The following PARP12 variants were observed in gnomAD, a reference collection of about 807,000 sequenced individuals.
PARP12 encodes protein mono-ADP-ribosyltransferase PARP12.
A neutral mutation model predicts 72.4 loss-of-function variants in PARP12; 59 were observed. That is an observed-to-expected ratio of 0.81 (90% CI 0.66 to 1.01). PARP12 has a LOEUF of 1.01. PARP12 is among the 50% of genes least tolerant of loss of function. The pLI, the probability that PARP12 is intolerant of heterozygous loss-of-function variation, is 0.00. For missense variants in PARP12, 851 were observed against 914.0 expected (o/e 0.93, Z 0.89); for synonymous variants, 403 against 371.4 (o/e 1.09, Z -0.98).
intron 4 of PARP12, among the ~76,000 whole-genome samples, chr7:140,051,532 A>G (rs1484393457): frequency 6.6e-6 from 1 of 152,048 alleles, no homozygotes; most frequent in Non-Finnish European, 1.5e-5. Context: ...CTGTGATTAC[A>G]GGTATGTGCC....
At chr7:140,047,133 G>GT in intron 4 of PARP12, 126 bp from the exon 5 acceptor site, 2 of 1,085,414 alleles carry the variant, frequency 1.8e-6, no homozygotes, top group South Asian at 1.8e-5. Flanking sequence ...GGTGGAGTCT[G>GT]TTTTTTCAGT....
intron 1 of PARP12, among the ~76,000 whole-genome samples, chr7:140,060,823 G>A (rs1183269525): frequency 2.0e-5 from 3 of 152,026 alleles, no homozygotes; most frequent in African/African-American, 7.3e-5. Flanking sequence ...GGCCTCAGAC[G>A]CTACCTCAGA....
chr7:140,059,477 T>C (rs556040609), intron 1 of PARP12, among the ~76,000 whole-genome samples: 1 of 152,034 alleles, frequency 6.6e-6, no homozygotes, highest in South Asian at 2.1e-4. Context: ...AGCCAGACAT[T>C]GGCACCATGC....
chr7:140,033,850 A>T (rs1816038346), intron 8 of PARP12: 1 of 988,850 alleles, frequency 1.0e-6, no homozygotes. Flanking sequence ...ACTAAAATAC[A>T]TGAGTTTTTA....
chr7:140,044,106 A>G (rs756380738), intron 5 of PARP12, among the ~76,000 whole-genome samples: 10 of 152,210 alleles, frequency 6.6e-5, no homozygotes, highest in Non-Finnish European at 1.3e-4. Context: ...AGTAGCATAA[A>G]TTTTTTTAAA....
intron 5 of PARP12, among the ~76,000 whole-genome samples, chr7:140,043,827 C>T (rs1461512266): frequency 1.3e-5 from 2 of 152,154 alleles, no homozygotes; most frequent in Non-Finnish European, 2.9e-5. Flanking sequence ...CCACTGCTCC[C>T]GACCTTAGAA....
At chr7:140,030,712 A>G (rs1022274769) in intron 8 of PARP12, among the ~76,000 whole-genome samples, 2 of 152,276 alleles carry the variant, frequency 1.3e-5, no homozygotes, top group Non-Finnish European at 2.9e-5. Flanking sequence ...TGCAGCCCGC[A>G]GGCTGCATGT....
chr7:140,045,956 C>A (rs1585101905), intron 5 of PARP12, among the ~76,000 whole-genome samples: 1 of 152,082 alleles, frequency 6.6e-6, no homozygotes, highest in African/African-American at 2.4e-5. Flanking sequence ...AGACAGAGAT[C>A]TATGGTGACA....
chr7:140,033,672 T>G, intron 8 of PARP12: 1 of 985,474 alleles, frequency 1.0e-6, no homozygotes, highest in Non-Finnish European at 1.2e-6. Context: ...TCCCCTCATC[T>G]GCTATAGGAG....
At chr7:140,051,039 A>C (rs987871495) in intron 4 of PARP12, among the ~76,000 whole-genome samples, 1 of 152,174 alleles carries the variant, frequency 6.6e-6, no homozygotes, top group Non-Finnish European at 1.5e-5. Flanking sequence ...TGGAACCTTC[A>C]TCTGTAGTCA....
chr7:140,026,895 C>T (rs1815759894), intron 10 of PARP12, among the ~76,000 whole-genome samples: 1 of 152,210 alleles, frequency 6.6e-6, no homozygotes, highest in Admixed American at 6.5e-5. Context: ...ACAAGCCAGT[C>T]CTCATGTATG....
intron 8 of PARP12, chr7:140,033,596 C>T: frequency 4.1e-6 from 4 of 985,398 alleles, no homozygotes; most frequent in Non-Finnish European, 4.8e-6. Context: ...TCCCATCCCA[C>T]CTCCCCAAGC....
chr7:140,024,759 C>T lies in PARP12; in HGVS notation c.1907G>A (p.Arg636His), dbSNP rs202146700. The change falls in exon 12 of 12, where the codon CGT (arginine) becomes CAT (histidine). Residue 636 changes from arginine (R) to histidine (H), a missense_variant. This residue lies in a region of PARP12 where 347 missense variants were observed against 396.1 expected (regional missense o/e 0.88). Coordinates refer to ENST00000263549, the MANE Select transcript of PARP12 (RefSeq NM_022750.4). ...EFVRGNASFV[R>H]PPAKEGWSNA... The stretch of plus-strand genomic sequence containing the variant: ...GCTCCAGCCCTCCTTGGCCGGCGGA[C>T]GGACAAAGGAGGCATTGCCCCTGAC... The T allele has an allele frequency of 2.7e-5, 43 of 1,614,048 alleles. No homozygotes were observed. In the Middle Eastern group the frequency reaches 6.6e-4, roughly 25 times the overall value.
At chr7:140,049,952 T>C (rs941278823) in intron 4 of PARP12, among the ~76,000 whole-genome samples, 1 of 152,046 alleles carries the variant, frequency 6.6e-6, no homozygotes, top group African/African-American at 2.4e-5. Context: ...ACGTGAGTCA[T>C]AGAAATCAAA....
At chr7:140,025,382 T>C (rs1446561961) in intron 11 of PARP12, 2 of 304,594 alleles carry the variant, frequency 6.6e-6, no homozygotes, top group Non-Finnish European at 1.3e-5. Context: ...TCCACAAGTC[T>C]ACCACTGGCT....
intron 8 of PARP12, chr7:140,033,193 C>T (rs527546668): frequency 2.0e-6 from 2 of 985,176 alleles, no homozygotes; most frequent in African/African-American, 3.5e-5. Flanking sequence ...GCACCCAGCG[C>T]AAAAATAAAT....
intron 8 of PARP12, among the ~76,000 whole-genome samples, chr7:140,031,104 A>T (rs1815924579): frequency 6.6e-6 from 1 of 152,242 alleles, no homozygotes; most frequent in Non-Finnish European, 1.5e-5. Context: ...AGCCTTTAAA[A>T]TATACATATA....
Position 140,047,699 on chromosome 7 carries a change from C to A in PARP12, c.863-692G>T, listed in dbSNP as rs547738686. Among the ~76,000 whole-genome samples, 14 of 152,226 alleles carry A rather than the reference C, an allele frequency of 9.2e-5. No individual in the cohort carries two copies. The South Asian group carries it at 2.9e-3, about 32-fold the overall frequency. ...GTGGCACAATCACGGCTCACTGCAGCCTCAACCTCCCAGGCTCAGGTGATC... is the reference window on the plus strand; with the variant it reads ...GTGGCACAATCACGGCTCACTGCAGACTCAACCTCCCAGGCTCAGGTGATC... On this transcript the variant is annotated intron_variant, in intron 4 of 11. Transcript: ENST00000263549.
chr7:140,032,817 C>T (rs992777977), intron 8 of PARP12, among the ~76,000 whole-genome samples: 3 of 151,940 alleles, frequency 2.0e-5, no homozygotes, highest in African/African-American at 7.3e-5. Flanking sequence ...AAAGAGAAAC[C>T]GGAAACTAAT....
Sources: gnomAD v4.1 joint callset for allele counts (sites outside exome capture counted in the v4.1 genomes callset) on GRCh38, gnomAD v4.1.1 for gene constraint, gnomAD v4.1.1 regional missense constraint, MANE v1.5 for transcripts, NCBI Gene and HGNC (gene_info 2026-07-23, HGNC 2026-07-21) for gene names.